The following KLHL8 variants were observed in gnomAD, a reference collection of about 807,000 sequenced individuals.
KLHL8 encodes the protein kelch like family member 8, also known as kelch-like protein 8.
A neutral mutation model predicts 63.5 loss-of-function variants in KLHL8; 38 were observed. The ratio of observed to expected loss-of-function variants is 0.60; its 90% CI spans 0.46 to 0.78. The LOEUF is 0.78. Ranked by LOEUF, KLHL8 falls within the 30% of genes least tolerant of loss-of-function variation. The pLI, the probability that KLHL8 is intolerant of heterozygous loss-of-function variation, is 0.00. For synonymous variants in KLHL8, 224 were observed against 254.3 expected (o/e 0.88, Z 1.13); for missense variants, 566 against 752.4 (o/e 0.75, Z 2.90).
chr4:87,177,936 A>G (rs1364107161), intron 5 of KLHL8, among the ~76,000 whole-genome samples: 8 of 152,176 alleles, frequency 5.3e-5, no homozygotes, highest in Admixed American at 5.2e-4. Context: ...AAGATAGGCA[A>G]GATTGTACAC....
At chr4:87,200,518 C>T (rs911011062) in intron 1 of KLHL8, among the ~76,000 whole-genome samples, 1 of 152,098 alleles carries the variant, frequency 6.6e-6, no homozygotes, top group Admixed American at 6.5e-5. Flanking sequence ...GGATGTCTAA[C>T]CTGCAGATAC....
chr4:87,239,880 A>T (rs1733298434), intron 1 of KLHL8, among the ~76,000 whole-genome samples: 1 of 152,228 alleles, frequency 6.6e-6, no homozygotes, highest in Non-Finnish European at 1.5e-5. Flanking sequence ...ATCAGCCTCC[A>T]GATTCTTCCC....
At chr4:87,207,674 G>A (rs374583479) in intron 1 of KLHL8, 56 of 1,097,394 alleles carry the variant, frequency 5.1e-5, no homozygotes, top group Middle Eastern at 2.6e-4. Context: ...AAACTGTGGC[G>A]TGACAGCTGC....
At chr4:87,200,359 ATTTTAAATTATC>A (rs1431622710) in intron 1 of KLHL8, among the ~76,000 whole-genome samples, 2 of 152,146 alleles carry the variant, frequency 1.3e-5, no homozygotes, top group East Asian at 1.9e-4. Context: ...CCTCCTACAT[ATTTTAAATTATC>A]TTTTAAATTA....
intron 1 of KLHL8, among the ~76,000 whole-genome samples, chr4:87,218,888 C>T (rs1401560982): frequency 6.6e-6 from 1 of 152,058 alleles, no homozygotes; most frequent in Non-Finnish European, 1.5e-5. Flanking sequence ...GCATGTGCCA[C>T]CACGCTCAGC....
chr4:87,210,104 G>A (rs902494579), intron 1 of KLHL8, among the ~76,000 whole-genome samples: 14 of 151,990 alleles, frequency 9.2e-5, no homozygotes, highest in African/African-American at 2.9e-4. Context: ...GCAATCTGCC[G>A]GCTTCGGACT....
chr4:87,207,023 C>T (rs1732157669), intron 1 of KLHL8: 1 of 326,844 alleles, frequency 3.1e-6, no homozygotes, highest in Admixed American at 4.1e-5. Flanking sequence ...CAACTTGGCT[C>T]TCTGCTCCTC....
intron 1 of KLHL8, chr4:87,207,705 C>T: frequency 1.1e-6 from 1 of 914,716 alleles, no homozygotes; most frequent in Admixed American, 1.8e-5. Flanking sequence ...AGAACATCAT[C>T]CCTGCCTCTA....
intron 2 of KLHL8, among the ~76,000 whole-genome samples, chr4:87,189,948 C>T (rs908988281): frequency 1.6e-4 from 24 of 148,266 alleles, no homozygotes; most frequent in South Asian, 4.3e-4. Flanking sequence ...GCAGGAGAAT[C>T]GCTTGAACCT....
At chr4:87,171,263 G>A (rs1037711859) in intron 6 of KLHL8, among the ~76,000 whole-genome samples, 2 of 152,050 alleles carry the variant, frequency 1.3e-5, no homozygotes, top group Admixed American at 6.6e-5. Context: ...CACTAGCTTG[G>A]ATAATTTATA....
In KLHL8 at chr4:87,216,093, G is replaced by A. The variant is rs555084319; in HGVS notation, c.-152+4325C>T. Among the ~76,000 whole-genome samples, 14 of 152,270 alleles carry A rather than the reference G, an allele frequency of 9.2e-5. No individual in the cohort carries two copies. The South Asian group carries it at 2.1e-3, about 23-fold the overall frequency. ...GGCATTTTAAATAATATTCTGACAT[G>A]CTGGATTGTATTAAAGTCCCATTCT... On this transcript the variant is annotated intron_variant, in intron 1 of 9. Transcript: ENST00000273963.
intron 1 of KLHL8, among the ~76,000 whole-genome samples, chr4:87,234,650 T>C (rs1196601975): frequency 1.3e-5 from 2 of 152,220 alleles, no homozygotes; most frequent in Non-Finnish European, 2.9e-5. Context: ...ACTATGTTAC[T>C]GGTTTATTTA....
intron 8 of KLHL8, among the ~76,000 whole-genome samples, chr4:87,164,972 C>G (rs576116915): frequency 6.6e-5 from 10 of 151,710 alleles, no homozygotes; most frequent in East Asian, 3.9e-4. Flanking sequence ...CACGGTGAAA[C>G]CCCGTCTCTA....
chr4:87,211,001 T>C (rs1732384146), intron 1 of KLHL8, among the ~76,000 whole-genome samples: 1 of 152,234 alleles, frequency 6.6e-6, no homozygotes, highest in African/African-American at 2.4e-5. Context: ...AAGTGCCTAT[T>C]CACTACTAGT....
intron 4 of KLHL8, 143 bp downstream of exon 4, chr4:87,183,060 T>C (rs1731114922): frequency 1.9e-6 from 1 of 526,496 alleles, no homozygotes; most frequent in Non-Finnish European, 3.2e-6. Flanking sequence ...GTAAAAATTA[T>C]AAATATATAA....
At chr4:87,223,705 T>C (rs1000424932), upstream of KLHL8, among the ~76,000 whole-genome samples, 1 of 147,856 alleles carries the variant, frequency 6.8e-6, no homozygotes, top group Non-Finnish European at 1.5e-5. Context: ...CAAATAGCTA[T>C]AAACTGGGGC....
Position 87,195,560 on chromosome 4 carries a change from T to G in KLHL8, c.-21A>C. ...GCCATTTGCAATATTCCTCTTTTAA[T>G]AGAGCTCTCTTCTCAAACATGCCAT... On this transcript the variant is annotated 5_prime_UTR_variant, in exon 2 of 10. Coordinates refer to ENST00000273963, the MANE Select transcript of KLHL8 (RefSeq NM_020803.5). 6.3e-7 allele frequency: 1 copy of G among 1,585,044 alleles called. No individual in the cohort carries two copies. Among genetic ancestry groups the G allele is most frequent in the Non-Finnish European group, 8.6e-7 (1 of 1,156,414 alleles).
At chr4:87,195,182 A>G in intron 2 of KLHL8, 142 bp downstream of exon 2, 2 of 502,606 alleles carry the variant, frequency 4.0e-6, no homozygotes, top group Non-Finnish European at 6.9e-6. Context: ...CTCCTACACT[A>G]AAAAAAAAGA....
chr4:87,165,115 A>T (rs1053115393), intron 8 of KLHL8, among the ~76,000 whole-genome samples: 5 of 140,772 alleles, frequency 3.6e-5, no homozygotes, highest in Non-Finnish European at 7.5e-5. Context: ...GTGCCACTGC[A>T]CTCCAGCCTG....
Sources: gnomAD v4.1 joint callset for allele counts (sites outside exome capture counted in the v4.1 genomes callset) on GRCh38, gnomAD v4.1.1 for gene constraint, MANE v1.5 for transcripts, NCBI Gene and HGNC (gene_info 2026-07-23, HGNC 2026-07-21) for gene names.